The following ZNF451 variants were observed in gnomAD, a reference collection of about 807,000 sequenced individuals.
ZNF451 encodes E3 SUMO-protein ligase ZNF451.
ZNF451 carries 80 observed loss-of-function variants against 107.1 expected under a neutral mutation model. That is an observed-to-expected ratio of 0.75 (90% confidence interval 0.62 to 0.90). ZNF451 has a LOEUF of 0.90. Ranked by LOEUF, ZNF451 falls within the 40% of genes least tolerant of loss-of-function variation. ZNF451 has a pLI of 0.00. For synonymous variants in ZNF451, 362 were observed against 406.5 expected, an observed-to-expected ratio of 0.89 and a Z score of 1.32; for missense variants, 1,107 against 1,236.2, an observed-to-expected ratio of 0.90 and a Z score of 1.57.
intron 13 of ZNF451, chr6:57,159,195 T>TG: frequency 1.0e-6 from 1 of 985,390 alleles, no homozygotes. Context: ...ATGGGGTTGA[T>TG]GGAGGCAAAA....
At chr6:57,157,168 CTCTTAT>C (rs1763466116) in intron 13 of ZNF451, among the ~76,000 whole-genome samples, 1 of 152,142 alleles carries the variant, frequency 6.6e-6, no homozygotes, top group Non-Finnish European at 1.5e-5. Flanking sequence ...AAGTTTGAGT[CTCTTAT>C]TCTTTATAAG....
chr6:57,116,556 A>T (rs1830379995), intron 3 of ZNF451: 1 of 152,200 alleles, frequency 6.6e-6, no homozygotes, highest in South Asian at 2.1e-4. Context: ...GTCTAGAAAA[A>T]AAGAAAAAGA....
intron 3 of ZNF451, chr6:57,104,346 C>G (rs942781609): frequency 2.0e-6 from 2 of 985,222 alleles, no homozygotes; most frequent in African/African-American, 1.7e-5. Flanking sequence ...GGTGAGAGAC[C>G]TTGGAAATGT....
In ZNF451 at chr6:57,147,295, A is replaced by T; in HGVS notation, c.1210A>T (p.Ser404Cys). Residue 404 changes from serine to cysteine, a missense_variant, in exon 10 of 15, where the codon AGC becomes TGC. Ser to Cys is a moderately radical substitution (Grantham distance 112). Transcript: ENST00000370706. ...VEESVLLYCH[S>C]SEGNKDPSSD... ...AGAATCAGTCTTACTCTATTGCCACAGCAGCGAAGGGAACAAGGATCCTTC... is the reference window on the plus strand; with the variant it reads ...AGAATCAGTCTTACTCTATTGCCACTGCAGCGAAGGGAACAAGGATCCTTC... 6.2e-7 allele frequency: 1 copy of T among 1,614,190 alleles called. No homozygotes were observed. The highest frequency in any genetic ancestry group is 8.5e-7 in the Non-Finnish European group (1 of 1,179,996).
chr6:57,101,284 G>C, intron 3 of ZNF451: 1 of 1,550,936 alleles, frequency 6.4e-7, no homozygotes, highest in Non-Finnish European at 8.7e-7. Context: ...ACCTGATTGT[G>C]TGACTTCTAA....
chr6:57,108,776 T>A, intron 3 of ZNF451: 1 of 985,468 alleles, frequency 1.0e-6, no homozygotes, highest in Non-Finnish European at 1.2e-6. Flanking sequence ...TCTACATTTG[T>A]ATAGTCTGTA....
At chr6:57,144,471 CCT>C (rs1831957978) in intron 9 of ZNF451, among the ~76,000 whole-genome samples, 1 of 151,712 alleles carries the variant, frequency 6.6e-6, no homozygotes, top group African/African-American at 2.4e-5. Flanking sequence ...GAACTCCTGA[CCT>C]CAAGTGATCT....
At chr6:57,110,709 C>T (rs983175491) in intron 3 of ZNF451, among the ~76,000 whole-genome samples, 1 of 152,034 alleles carries the variant, frequency 6.6e-6, no homozygotes, top group Non-Finnish European at 1.5e-5. Context: ...AAAAATATTG[C>T]TTCATTGGCA....
intron 2 of ZNF451, among the ~76,000 whole-genome samples, chr6:57,098,122 A>G (rs1157373249): frequency 1.3e-5 from 2 of 150,682 alleles, no homozygotes; most frequent in South Asian, 4.2e-4. Context: ...GGCACGCACC[A>G]CCATGCCTGG....
intron 4 of ZNF451, among the ~76,000 whole-genome samples, chr6:57,125,230 A>G (rs1435533778): frequency 6.6e-6 from 1 of 152,180 alleles, no homozygotes; most frequent in East Asian, 1.9e-4. Flanking sequence ...TCTACTGGAT[A>G]GAACCAGATT....
chr6:57,144,093 A>T (rs1397674508), intron 9 of ZNF451, among the ~76,000 whole-genome samples: 2 of 152,070 alleles, frequency 1.3e-5, no homozygotes, highest in Admixed American at 1.3e-4. Context: ...TGATAGCTAA[A>T]GGGCATGGGT....
chr6:57,138,751 G>A (rs1260151770), intron 7 of ZNF451, among the ~76,000 whole-genome samples: 5 of 125,680 alleles, frequency 4.0e-5, no homozygotes, highest in African/African-American at 8.9e-5. Flanking sequence ...ATGTGTGTGT[G>A]TGTGTGTGTG....
chr6:57,107,601 T>C, intron 3 of ZNF451: 1 of 985,310 alleles, frequency 1.0e-6, no homozygotes, highest in Non-Finnish European at 1.2e-6. Context: ...ATAATACAGC[T>C]CTGATATATC....
At chr6:57,150,186 A>G (rs745996526) in intron 10 of ZNF451, among the ~76,000 whole-genome samples, 2 of 152,086 alleles carry the variant, frequency 1.3e-5, no homozygotes, top group Non-Finnish European at 2.9e-5. Context: ...ACTGGCACAT[A>G]TTTCTAGCAC....
chr6:57,168,528 T>C lies in ZNF451; in HGVS notation c.*59T>C. On this transcript the variant is annotated 3_prime_UTR_variant, in exon 15 of 15. Transcript: ENST00000370706. ...TGAAGAGACTGAGATAACGAATTCT[T>C]GAGTTTGTTTTCTAAAGGAGACCAG... 2 of 1,387,232 alleles carry C rather than the reference T, an allele frequency of 1.4e-6. No individual in the cohort carries two copies. Among genetic ancestry groups the C allele is most frequent in the Non-Finnish European group, 2.0e-6 (2 of 987,464 alleles). 85.9% of individuals were successfully genotyped at this position (1,387,232 alleles called of 1,614,324 possible).
chr6:57,108,046 G>C, intron 3 of ZNF451: 2 of 616,732 alleles, frequency 3.2e-6, no homozygotes, highest in Non-Finnish European at 4.1e-6. Flanking sequence ...CACCGTGTTA[G>C]TCCAGGTGGT....
chr6:57,103,685 G>C (rs3800020), intron 3 of ZNF451: 4 of 985,272 alleles, frequency 4.1e-6, no homozygotes, highest in Non-Finnish European at 2.4e-6. Context: ...TAACTTCTGC[G>C]TTTTTTCATC....
intron 8 of ZNF451, 44 bp from the exon 9 acceptor site, chr6:57,141,904 G>C (rs1469689884): frequency 6.4e-7 from 1 of 1,570,536 alleles, no homozygotes; most frequent in South Asian, 1.1e-5. Flanking sequence ...GGGTTACTCT[G>C]TACTCAAATA....
intron 3 of ZNF451, 31 bp downstream of exon 3, chr6:57,099,172 T>C: frequency 6.6e-7 from 1 of 1,518,296 alleles, no homozygotes; most frequent in South Asian, 1.1e-5. Flanking sequence ...TTGTGTTTCT[T>C]CACTTGTGTC....
Sources: gnomAD v4.1 joint callset for allele counts (sites outside exome capture counted in the v4.1 genomes callset) on GRCh38, gnomAD v4.1.1 for gene constraint, MANE v1.5 for transcripts, NCBI Gene and HGNC (gene_info 2026-07-23, HGNC 2026-07-21) for gene names.